The following CEP350 variants were observed in gnomAD, a reference collection of about 807,000 sequenced individuals.
CEP350 encodes the protein centrosome-associated protein 350.
A neutral mutation model predicts 331.8 loss-of-function variants in CEP350; 126 were observed. The ratio of observed to expected loss-of-function variants is 0.38; its 90% CI spans 0.33 to 0.44. The LOEUF is 0.44. CEP350 is among the 20% of genes least tolerant of loss of function. The pLI, the probability that CEP350 is intolerant of heterozygous loss-of-function variation, is 1.00. For missense variants in CEP350, 3,406 were observed against 3,634.6 expected (o/e 0.94, Z 1.62); for synonymous variants, 1,200 against 1,259.5 (o/e 0.95, Z 1.00).
At position 180,052,201 on chromosome 1, in the gene CEP350, CT is replaced by C. The variant is rs533092658; in HGVS notation, c.4793-766del. 949 of 450,984 alleles carry C rather than the reference CT, an allele frequency of 2.1e-3. 5 individuals are homozygous for C. Among genetic ancestry groups the C allele is most frequent in the Non-Finnish European group, 3.5e-3 (787 of 225,444 alleles). 27.9% of individuals were successfully genotyped at this position (450,984 alleles called of 1,614,324 possible). ...CAAGGACAACTAGTGCCTACAAATT[CT>C]TTCTTTCTTTCTTTTTTTAAGAGAC... On this transcript the variant is annotated intron_variant, in intron 22 of 37. Coordinates refer to ENST00000367607, the MANE Select transcript of CEP350 (RefSeq NM_014810.5).
At chr1:179,957,929 T>A (rs1650297916) in intron 1 of CEP350, among the ~76,000 whole-genome samples, 2 of 152,138 alleles carry the variant, frequency 1.3e-5, no homozygotes, top group South Asian at 4.1e-4. Context: ...GTATTGGGAG[T>A]TTAAATTCTT....
At chr1:180,063,632 C>T (rs1438699718) in intron 26 of CEP350, among the ~76,000 whole-genome samples, 4 of 151,812 alleles carry the variant, frequency 2.6e-5, no homozygotes, top group Non-Finnish European at 5.9e-5. Flanking sequence ...GGCAACAGGG[C>T]GAAACTCCTA....
At chr1:180,090,101 T>A (rs1220949402) in intron 32 of CEP350, among the ~76,000 whole-genome samples, 1 of 152,186 alleles carries the variant, frequency 6.6e-6, no homozygotes, top group Non-Finnish European at 1.5e-5. Flanking sequence ...ATTTTCTTCC[T>A]GCAGACAGGA....
Position 180,041,816 on chromosome 1 carries a change from A to G in CEP350, c.4362+14A>G, listed in dbSNP as rs1405581052. On this transcript the variant is annotated intron_variant, in intron 19 of 37. Transcript: ENST00000367607. ...CAAATCTGTGAGGTAGGTGCCACTG[A>G]GAACACTTCTCTTTTTACTTCTTTT... 1.2e-6 allele frequency: 2 copies of G among 1,605,770 alleles called. No individual in the cohort carries two copies. Among genetic ancestry groups the G allele is most frequent in the East Asian group, 2.2e-5 (1 of 44,736 alleles).
At chr1:180,071,876 A>T (rs1230247191) in intron 27 of CEP350, among the ~76,000 whole-genome samples, 1 of 152,222 alleles carries the variant, frequency 6.6e-6, no homozygotes, top group Non-Finnish European at 1.5e-5. Flanking sequence ...TCTGTTGTAT[A>T]TCTTATTCTT....
intron 6 of CEP350, among the ~76,000 whole-genome samples, chr1:179,999,213 C>G (rs759002060): frequency 6.6e-6 from 1 of 151,942 alleles, no homozygotes; most frequent in South Asian, 2.1e-4. Context: ...TTAAAATGTT[C>G]CATTTGAATT....
At chr1:180,044,896 G>A (rs1438661476) in intron 21 of CEP350, among the ~76,000 whole-genome samples, 2 of 145,612 alleles carry the variant, frequency 1.4e-5, no homozygotes, top group South Asian at 2.2e-4. Context: ...TTGATTATAG[G>A]AAAAAAAAAA....
intron 29 of CEP350, among the ~76,000 whole-genome samples, chr1:180,078,932 C>T (rs1659402565): frequency 6.6e-6 from 1 of 152,126 alleles, no homozygotes; most frequent in Admixed American, 6.5e-5. Flanking sequence ...TTATGAAAAA[C>T]AGTTTGTAGG....
At chr1:180,076,346 C>T (rs1480657755) in intron 28 of CEP350, among the ~76,000 whole-genome samples, 2 of 152,192 alleles carry the variant, frequency 1.3e-5, no homozygotes, top group African/African-American at 2.4e-5. Context: ...TATGTATTAG[C>T]ACACCAAGTT....
rs1395016739 is a variant in CEP350 at position 180,111,249 on chromosome 1, G to A, written c.*88G>A. On this transcript the variant is annotated 3_prime_UTR_variant, in exon 38 of 38. Coordinates refer to ENST00000367607, the MANE Select transcript of CEP350 (RefSeq NM_014810.5). ...TGTACACCCATCGCCATCATAGCAA[G>A]AGTGCTTCTGGACCTTGTACTTATT... 6 of 1,480,218 alleles carry A rather than the reference G, an allele frequency of 4.1e-6. No homozygotes were observed. The East Asian group carries it at 1.4e-4, about 34-fold the overall frequency. The allele number at this position is 1,480,218 out of a possible 1,614,324, so 91.7% of individuals were successfully genotyped here.
intron 28 of CEP350, among the ~76,000 whole-genome samples, chr1:180,076,510 A>G (rs908028286): frequency 1.3e-5 from 2 of 152,154 alleles, no homozygotes; most frequent in Non-Finnish European, 1.5e-5. Flanking sequence ...TTTAAAAAGC[A>G]TTTGTGGGCC....
At chr1:180,104,047 C>CA (rs1661005873) in intron 37 of CEP350, among the ~76,000 whole-genome samples, 1 of 133,754 alleles carries the variant, frequency 7.5e-6, no homozygotes, top group Non-Finnish European at 1.6e-5. Flanking sequence ...AAAATATATA[C>CA]AAATATATAT....
At chr1:180,072,014 C>T (rs540713748) in intron 27 of CEP350, among the ~76,000 whole-genome samples, 2 of 152,184 alleles carry the variant, frequency 1.3e-5, no homozygotes, top group South Asian at 4.2e-4. Context: ...TGTGTAGCAT[C>T]TTGAAGGATT....
chr1:180,073,887 A>G, intron 27 of CEP350: 3 of 1,304,644 alleles, frequency 2.3e-6, no homozygotes, highest in South Asian at 2.5e-5. Context: ...TTCCAGCTGT[A>G]TATCTACAAC....
Position 180,017,473 on chromosome 1 carries a change from A to G in CEP350, c.2174+1503A>G, listed in dbSNP as rs192820396. 1.0e-3 allele frequency among the ~76,000 whole-genome samples: 159 copies of G among 152,258 alleles called. 1 individual carries two copies. Among genetic ancestry groups the G allele is most frequent in the African/African-American group, 3.6e-3 (150 of 41,554 alleles). On this transcript the variant is annotated intron_variant, in intron 11 of 37. Coordinates refer to ENST00000367607, the MANE Select transcript of CEP350 (RefSeq NM_014810.5). The stretch of plus-strand genomic sequence containing the variant: ...ATTGTTGTCAGACATACCCTGCTAT[A>G]TTAATGTCTTCAATTTTTATCTTTC...
chr1:179,989,887 A>C (rs1029128189), intron 3 of CEP350, among the ~76,000 whole-genome samples: 25 of 152,080 alleles, frequency 1.6e-4, no homozygotes, highest in Non-Finnish European at 4.4e-5. Flanking sequence ...ATGGTATGTC[A>C]CATATAAAGT....
At chr1:179,973,788 A>G (rs1420619839) in intron 1 of CEP350, among the ~76,000 whole-genome samples, 3 of 151,806 alleles carry the variant, frequency 2.0e-5, no homozygotes, top group Non-Finnish European at 4.4e-5. Flanking sequence ...TGTGAATTTC[A>G]TTTCCTTATT....
At chr1:180,028,428 C>T (rs1019827691) in intron 14 of CEP350, among the ~76,000 whole-genome samples, 2 of 152,104 alleles carry the variant, frequency 1.3e-5, no homozygotes, top group African/African-American at 4.8e-5. Flanking sequence ...TTGGCAAAGC[C>T]CAGATTCTGA....
intron 2 of CEP350, among the ~76,000 whole-genome samples, chr1:179,986,632 A>G (rs543076166): frequency 2.1e-4 from 32 of 152,246 alleles, no homozygotes; most frequent in African/African-American, 7.7e-4. Flanking sequence ...AGGCATTGAT[A>G]TTTTTTGAGG....
Sources: gnomAD v4.1 joint callset for allele counts (sites outside exome capture counted in the v4.1 genomes callset) on GRCh38, gnomAD v4.1.1 for gene constraint, MANE v1.5 for transcripts, NCBI Gene and HGNC (gene_info 2026-07-23, HGNC 2026-07-21) for gene names.